STRN3: variants seen among roughly 807,000 people sequenced by gnomAD.
STRN3 encodes the protein striatin 3.
In STRN3, 29 loss-of-function variants were observed where a neutral mutation model predicts 95.6. The ratio of observed to expected loss-of-function variants is 0.30; its 90% CI spans 0.23 to 0.41. The LOEUF (loss-of-function observed/expected upper bound fraction) is 0.41. STRN3 is among the 10% of genes least tolerant of loss of function. STRN3 has a pLI of 1.00. For missense variants in STRN3, 890 were observed against 972.1 expected (o/e 0.92, Z 1.12); for synonymous variants, 331 against 357.6 (o/e 0.93, Z 0.84).
In STRN3 at chr14:30,999,310, G is replaced by A. The variant is rs558036219; in HGVS notation, c.282+26594C>T. Among the ~76,000 whole-genome samples, 5 of 152,346 alleles carry A rather than the reference G, an allele frequency of 3.3e-5. No homozygotes were observed. The South Asian group carries it at 1.0e-3, about 32-fold the overall frequency. On this transcript the variant is annotated intron_variant, in intron 1 of 17. Coordinates refer to ENST00000357479, the MANE Select transcript of STRN3 (RefSeq NM_001083893.2). ...GATCCTCCCACCTCGGCCTCCCGAA[G>A]TGCTGGGATTACAGGCATGAGCCAC...
intron 9 of STRN3, among the ~76,000 whole-genome samples, 180 bp downstream of exon 9, chr14:30,918,786 T>C (rs748028511): frequency 6.6e-6 from 1 of 152,128 alleles, no homozygotes; most frequent in Non-Finnish European, 1.5e-5. Flanking sequence ...TATAAAGAAA[T>C]AGAAACCAGA....
rs1896071242 is a variant in STRN3, at chr14:30,894,355, TTAGACTATTC to T, written c.*1046_*1055del. 6.6e-6 allele frequency: 1 copy of T among 152,600 alleles called. No individual in the cohort carries two copies. The highest frequency in any genetic ancestry group is 2.4e-5 in the African/African-American group (1 of 41,444). 9.5% of individuals were successfully genotyped at this position (152,600 alleles called of 1,614,324 possible). ...TAAAATACTCCATTTTTAGTCTATT[TTAGACTATTC>T]AAAGAGTTCCAAAATAGATATACAG... On this transcript the variant is annotated 3_prime_UTR_variant, in exon 18 of 18. Transcript: ENST00000357479.
intron 1 of STRN3, among the ~76,000 whole-genome samples, chr14:30,989,760 A>AGGGC: frequency 2.0e-5 from 3 of 151,966 alleles, no homozygotes; most frequent in African/African-American, 4.8e-5. Context: ...GCCCGGACAA[A>AGGGC]ACACAGGATT....
In STRN3 at chr14:30,936,616, C is replaced by T. The variant is rs146578134; in HGVS notation, c.725G>A (p.Gly242Asp). The part of the protein sequence containing the change: ...QKGQEIKRSS[G>D]DVLETFNFLE... ...GAAATTGAACGTCTCAAGAACATCA[C>T]CAGAGGACCTGTGCGAAGGAAAAAA... is the stretch of plus-strand genomic sequence containing the variant. Residue 242 changes from glycine to aspartate, a missense_variant, in exon 6 of 18, where the codon GGT becomes GAT. By Grantham distance (94) the Gly-to-Asp change is moderately conservative (BLOSUM62 -1). Coordinates refer to ENST00000357479, the MANE Select transcript of STRN3 (RefSeq NM_001083893.2). The T allele has an allele frequency of 6.8e-6, 11 of 1,611,712 alleles. No homozygotes were observed. The highest frequency in any genetic ancestry group is 2.7e-5 in the African/African-American group (2 of 74,758).
chr14:30,971,834 G>C (rs927303030), intron 1 of STRN3, among the ~76,000 whole-genome samples: 7 of 152,226 alleles, frequency 4.6e-5, no homozygotes, highest in Non-Finnish European at 7.4e-5. Context: ...AGCCATAATA[G>C]GTGTACTTAT....
chr14:30,904,077 A>C (rs887390035), intron 15 of STRN3, among the ~76,000 whole-genome samples: 7 of 152,220 alleles, frequency 4.6e-5, no homozygotes, highest in Admixed American at 4.6e-4. Flanking sequence ...AGGAGCCATG[A>C]AGACCATGAG....
At chr14:30,923,312 C>T (rs780857721) in intron 8 of STRN3, among the ~76,000 whole-genome samples, 15 of 151,980 alleles carry the variant, frequency 9.9e-5, no homozygotes, top group East Asian at 1.9e-4. Context: ...AATATTAATA[C>T]AAAACTTTAA....
chr14:30,909,346 C>T (rs1453933857), intron 13 of STRN3, among the ~76,000 whole-genome samples: 1 of 151,998 alleles, frequency 6.6e-6, no homozygotes, highest in African/African-American at 2.4e-5. Flanking sequence ...ACAAAAAATA[C>T]AAAAATTAGT....
At chr14:30,921,906 T>G (rs1896894277) in intron 8 of STRN3, among the ~76,000 whole-genome samples, 1 of 152,202 alleles carries the variant, frequency 6.6e-6, no homozygotes, top group Non-Finnish European at 1.5e-5. Flanking sequence ...GGTCTTGCCC[T>G]GTCACCCAGG....
intron 4 of STRN3, among the ~76,000 whole-genome samples, chr14:30,950,614 A>G (rs1459803907): frequency 6.6e-6 from 1 of 152,160 alleles, no homozygotes; most frequent in Non-Finnish European, 1.5e-5. Context: ...TGAATTTTAT[A>G]TTGTTTTTGT....
At chr14:30,944,649 C>T (rs1317371990) in intron 5 of STRN3, among the ~76,000 whole-genome samples, 9 of 138,292 alleles carry the variant, frequency 6.5e-5, no homozygotes, top group Non-Finnish European at 1.2e-4. Flanking sequence ...GATGGAGTCT[C>T]GCTGTGTCAC....
intron 1 of STRN3, among the ~76,000 whole-genome samples, chr14:30,991,600 A>G (rs1487578946): frequency 6.6e-6 from 1 of 152,212 alleles, no homozygotes; most frequent in Non-Finnish European, 1.5e-5. Context: ...AAGTGTTCTA[A>G]GCAGAGGAAA....
intron 1 of STRN3, among the ~76,000 whole-genome samples, chr14:30,994,348 C>T (rs1416768790): frequency 1.3e-5 from 2 of 152,134 alleles, no homozygotes; most frequent in Non-Finnish European, 2.9e-5. Context: ...TCTTTAAAAT[C>T]GTTTAGAACT....
chr14:30,918,959 T>C lies in STRN3; in HGVS notation c.1240+7A>G. ...ATGTAAATAAACATGGTAGCTAAATTTTGTACCTTCCTCTGCTCTTGCACC... is the reference window on the plus strand; with the variant it reads ...ATGTAAATAAACATGGTAGCTAAATCTTGTACCTTCCTCTGCTCTTGCACC... On this transcript the variant is annotated splice_region_variant and intron_variant, in intron 9 of 17. Transcript: ENST00000357479. 1 of 1,562,016 alleles carries C rather than the reference T, an allele frequency of 6.4e-7. No individual in the cohort carries two copies. The highest frequency in any genetic ancestry group is 1.2e-5 in the South Asian group (1 of 83,194).
At chr14:31,015,985 G>A (rs999119497) in intron 1 of STRN3, among the ~76,000 whole-genome samples, 2 of 152,106 alleles carry the variant, frequency 1.3e-5, no homozygotes, top group African/African-American at 4.8e-5. Context: ...TTTTTCATTA[G>A]GGGAATGTAA....
chr14:30,967,139 C>A (rs1193420526), intron 1 of STRN3, among the ~76,000 whole-genome samples: 2 of 151,790 alleles, frequency 1.3e-5, no homozygotes, highest in Non-Finnish European at 2.9e-5. Context: ...ACCCCCCACC[C>A]CACCTTTTCC....
chr14:30,922,181 ACT>A (rs1020408312), intron 8 of STRN3, among the ~76,000 whole-genome samples: 1 of 151,780 alleles, frequency 6.6e-6, no homozygotes, highest in African/African-American at 2.4e-5. Flanking sequence ...GCACTACCAC[ACT>A]CAGCTAATTT....
At position 30,962,835 on chromosome 14, in the gene STRN3, A is replaced by AT. The variant is rs1260824254; in HGVS notation, c.283-6594dup. ...GGTGTGAGTGACAGCACCTGGCCCCATTTTTTTTTTTACTATACCTTTTCT... is the reference window on the plus strand; with the variant it reads ...GGTGTGAGTGACAGCACCTGGCCCCATTTTTTTTTTTTACTATACCTTTTCT... On this transcript the variant is annotated intron_variant, in intron 1 of 17. Transcript: ENST00000357479. Among the ~76,000 whole-genome samples, 1,068 of 145,724 alleles carry AT rather than the reference A, an allele frequency of 7.3e-3. 4 individuals are homozygous for AT. The highest frequency in any genetic ancestry group is 0.022 in the African/African-American group (875 of 40,114).
chr14:30,911,164 TATTGTAGGAA>T lies in STRN3; in HGVS notation c.1599-12_1599-3del. The T allele has an allele frequency of 1.2e-6, 2 of 1,608,506 alleles. No individual in the cohort carries two copies. On this transcript the variant is annotated splice_polypyrimidine_tract_variant and splice_region_variant and intron_variant, in intron 12 of 17. Coordinates refer to ENST00000357479, the MANE Select transcript of STRN3 (RefSeq NM_001083893.2). ...ATAGCTAATGACAGAACAGGGCCGC[TATTGTAGGAA>T]GAGAGGAAAAACAAATTACTGATAA...
Sources: allele counts gnomAD v4.1 joint callset (sites outside exome capture counted in the v4.1 genomes callset), GRCh38; gene constraint gnomAD v4.1.1; transcripts MANE v1.5; gene names NCBI Gene and HGNC (gene_info 2026-07-23, HGNC 2026-07-21).